The following SUPT3H variants were observed in gnomAD, a reference collection of about 807,000 sequenced individuals.
SUPT3H encodes the protein transcription initiation protein SPT3 homolog.
A neutral mutation model predicts 44.3 loss-of-function variants in SUPT3H; 44 were observed. The ratio of observed to expected loss-of-function variants is 0.99; its 90% CI spans 0.78 to 1.28. The LOEUF is 1.28. Among genes scored for constraint, SUPT3H ranks in the 50% most tolerant of loss-of-function variants. The pLI is 0.00. For missense variants in SUPT3H, 380 were observed against 387.1 expected, an observed-to-expected ratio of 0.98 and a Z score of 0.15; for synonymous variants, 124 against 125.6, an observed-to-expected ratio of 0.99 and a Z score of 0.09.
chr6:44,888,252 C>G (rs571400377), intron 10 of SUPT3H, among the ~76,000 whole-genome samples: 1 of 152,292 alleles, frequency 6.6e-6, no homozygotes, highest in East Asian at 1.9e-4. Context: ...GGAATCCTCC[C>G]TGACTCATTT....
At chr6:45,119,740 A>G (rs896791044) in intron 2 of SUPT3H, among the ~76,000 whole-genome samples, 1 of 152,182 alleles carries the variant, frequency 6.6e-6, no homozygotes, top group African/African-American at 2.4e-5. Context: ...AGAAAACTTA[A>G]GATTTTCACA....
intron 1 of SUPT3H, among the ~76,000 whole-genome samples, chr6:45,375,630 A>T (rs1334734305): frequency 6.6e-6 from 1 of 152,060 alleles, no homozygotes; most frequent in African/African-American, 2.4e-5. Flanking sequence ...TGCAGCCTTG[A>T]ACTCCTAGGT....
intron 2 of SUPT3H, among the ~76,000 whole-genome samples, chr6:45,287,812 A>G (rs77435067): frequency 0.11 from 17,024 of 152,252 alleles, 1,343 homozygotes; most frequent in East Asian, 0.26. Context: ...ATCAATTTCA[A>G]TAGTTTCCAA....
intron 2 of SUPT3H, among the ~76,000 whole-genome samples, chr6:45,124,332 T>C (rs1375502719): frequency 6.6e-6 from 1 of 152,058 alleles, no homozygotes; most frequent in East Asian, 1.9e-4. Context: ...CTTATTTAAA[T>C]TGTAAAAGTA....
chr6:45,286,199 G>T (rs889965037), intron 2 of SUPT3H, among the ~76,000 whole-genome samples: 1 of 151,698 alleles, frequency 6.6e-6, no homozygotes, highest in East Asian at 1.9e-4. Context: ...AGGACTTCAT[G>T]TCTAAAACAC....
chr6:44,866,350 A>G (rs1458424147), intron 10 of SUPT3H, among the ~76,000 whole-genome samples: 3 of 152,062 alleles, frequency 2.0e-5, no homozygotes. Context: ...CCGGCTTAGC[A>G]GTGCACGCCT....
intron 2 of SUPT3H, among the ~76,000 whole-genome samples, chr6:45,363,118 T>C (rs1405836464): frequency 6.6e-6 from 1 of 152,134 alleles, no homozygotes; most frequent in Non-Finnish European, 1.5e-5. Flanking sequence ...TAGTAAATAT[T>C]ATCAGCTTTA....
intron 2 of SUPT3H, among the ~76,000 whole-genome samples, chr6:45,177,072 T>G (rs1050169397): frequency 6.6e-5 from 10 of 152,196 alleles, no homozygotes; most frequent in African/African-American, 2.4e-4. Context: ...GGACGGAGAA[T>G]GACTTTGACT....
At chr6:44,936,690 C>G (rs1425393596) in intron 9 of SUPT3H, among the ~76,000 whole-genome samples, 1 of 152,132 alleles carries the variant, frequency 6.6e-6, no homozygotes, top group Non-Finnish European at 1.5e-5. Flanking sequence ...TTTTTTGAGA[C>G]AGCGTCTTGC....
At chr6:45,331,786 T>A (rs1471194872) in intron 2 of SUPT3H, among the ~76,000 whole-genome samples, 1 of 152,118 alleles carries the variant, frequency 6.6e-6, no homozygotes, top group East Asian at 1.9e-4. Context: ...ATGATTACAT[T>A]ATGATATATT....
intron 10 of SUPT3H, among the ~76,000 whole-genome samples, chr6:44,835,540 T>C (rs886415727): frequency 3.3e-5 from 5 of 149,332 alleles, no homozygotes; most frequent in Non-Finnish European, 7.4e-5. Context: ...TGAGGTTCTA[T>C]GCTGGCTTTG....
intron 2 of SUPT3H, among the ~76,000 whole-genome samples, chr6:45,364,884 A>C (rs1211381717): frequency 6.6e-6 from 1 of 152,208 alleles, no homozygotes; most frequent in African/African-American, 2.4e-5. Context: ...CTAAATCTAT[A>C]AACTAGAATA....
chr6:45,224,189 C>A (rs897443201), intron 2 of SUPT3H, among the ~76,000 whole-genome samples: 1 of 151,560 alleles, frequency 6.6e-6, no homozygotes, highest in Non-Finnish European at 1.5e-5. Flanking sequence ...ATCATTCTTA[C>A]CACTCACTAT....
intron 10 of SUPT3H, among the ~76,000 whole-genome samples, chr6:44,906,589 C>T (rs779458545): frequency 4.6e-5 from 7 of 152,046 alleles, no homozygotes; most frequent in South Asian, 2.1e-4. Flanking sequence ...TTGTGAAACC[C>T]GTCTCTAATA....
At chr6:45,311,303 G>A (rs1356897687) in intron 2 of SUPT3H, among the ~76,000 whole-genome samples, 1 of 152,190 alleles carries the variant, frequency 6.6e-6, no homozygotes, top group East Asian at 1.9e-4. Flanking sequence ...AGAATACTCT[G>A]TGGAGAATGC....
At chr6:45,306,717 A>T (rs1783081422) in intron 2 of SUPT3H, among the ~76,000 whole-genome samples, 1 of 152,178 alleles carries the variant, frequency 6.6e-6, no homozygotes, top group African/African-American at 2.4e-5. Flanking sequence ...AGCGACACAG[A>T]AGACGGGTGA....
chr6:45,274,557 C>T (rs1776709811), intron 2 of SUPT3H, among the ~76,000 whole-genome samples: 1 of 152,124 alleles, frequency 6.6e-6, no homozygotes, highest in Non-Finnish European at 1.5e-5. Context: ...TATTCTTTCC[C>T]TTTTGAATTA....
intron 5 of SUPT3H, among the ~76,000 whole-genome samples, chr6:45,007,984 T>C (rs1001158198): frequency 5.3e-5 from 8 of 152,154 alleles, no homozygotes; most frequent in African/African-American, 1.9e-4. Context: ...ATTTTCAAGG[T>C]TCATCCATGT....
chr6:44,950,651 T>G (rs1774139204), intron 9 of SUPT3H, among the ~76,000 whole-genome samples: 1 of 152,014 alleles, frequency 6.6e-6, no homozygotes, highest in Non-Finnish European at 1.5e-5. Context: ...AACTTGCTAA[T>G]CTAGTAAGAA....
Sources: allele counts gnomAD v4.1 joint callset (sites outside exome capture counted in the v4.1 genomes callset), GRCh38; gene constraint gnomAD v4.1.1; transcripts MANE v1.5; gene names NCBI Gene and HGNC (gene_info 2026-07-23, HGNC 2026-07-21).